Variants in GPC5 observed in about 807,000 individuals in gnomAD.
GPC5 encodes glypican 5.
Under a neutral mutation model 53.9 loss-of-function variants are expected in GPC5, and 47 were observed. The observed-to-expected ratio is 0.87, with a 90% confidence interval of 0.69 to 1.11. The LOEUF (loss-of-function observed/expected upper bound fraction) is 1.11, where lower values mean the gene tolerates loss of function less well. GPC5 is among the 50% of genes most tolerant of loss of function. The pLI is 0.00. For synonymous variants in GPC5, 286 were observed against 263.3 expected (o/e 1.09, Z -0.84); for missense variants, 748 against 713.1 (o/e 1.05, Z -0.56).
intron 7 of GPC5, among the ~76,000 whole-genome samples, chr13:92,297,904 CCTGAG>C (rs2043048780): frequency 6.6e-6 from 1 of 152,088 alleles, no homozygotes; most frequent in South Asian, 2.1e-4. Flanking sequence ...CAGCTTCACT[CCTGAG>C]CCCAGCGAGA....
chr13:92,379,685 T>G (rs140605562), intron 7 of GPC5, among the ~76,000 whole-genome samples: 1 of 151,374 alleles, frequency 6.6e-6, no homozygotes, highest in African/African-American at 2.4e-5. Context: ...TTCCTCTCTG[T>G]GCCCCCTGCA....
intron 2 of GPC5, among the ~76,000 whole-genome samples, chr13:91,455,652 A>G (rs543343802): frequency 6.6e-6 from 1 of 152,180 alleles, no homozygotes; most frequent in East Asian, 1.9e-4. Context: ...AAGTAATTGG[A>G]ATTTCTTTTT....
Position 91,952,205 on chromosome 13 carries a change from GTGTA to G in GPC5, c.1401+44154_1401+44157del, listed in dbSNP as rs71113777. On this transcript the variant is annotated intron_variant, in intron 6 of 7. Coordinates refer to ENST00000377067, the MANE Select transcript of GPC5 (RefSeq NM_004466.6). Reference sequence around the variant, plus strand: ...TCTCTCTCTCTGTGTGTGTGTGTGTGTGTATGTATTTGTGCATACTTGTGCTCCA... The same window carrying G: ...TCTCTCTCTCTGTGTGTGTGTGTGTGTGTATTTGTGCATACTTGTGCTCCA... Among the ~76,000 whole-genome samples the G allele has an allele frequency of 2.7e-3, 326 of 122,912 alleles. 1 individual carries two copies. The highest frequency in any genetic ancestry group is 4.6e-3 in the Non-Finnish European group (239 of 51,538). 80.6% of individuals were successfully genotyped at this position (122,912 alleles called of 152,430 possible). A position where few individuals can be genotyped will look rare whatever the true frequency, so the allele number is the denominator to read the frequency against.
At chr13:92,231,956 A>G (rs1269405758) in intron 7 of GPC5, among the ~76,000 whole-genome samples, 1 of 152,102 alleles carries the variant, frequency 6.6e-6, no homozygotes, top group African/African-American at 2.4e-5. Context: ...GAAGAGCGAA[A>G]CTCCATCTCA....
intron 6 of GPC5, among the ~76,000 whole-genome samples, chr13:92,141,007 C>T (rs2041826582): frequency 6.6e-6 from 1 of 152,066 alleles, no homozygotes; most frequent in South Asian, 2.1e-4. Flanking sequence ...TGAAACACTT[C>T]CATGTGGATG....
chr13:91,991,875 A>T (rs1455126898), intron 6 of GPC5, among the ~76,000 whole-genome samples: 1 of 152,158 alleles, frequency 6.6e-6, no homozygotes, highest in East Asian at 1.9e-4. Context: ...TTTTATAAAC[A>T]TTAGTGTGTG....
chr13:92,323,497 G>A (rs2043229828), intron 7 of GPC5, among the ~76,000 whole-genome samples: 1 of 151,402 alleles, frequency 6.6e-6, no homozygotes, highest in African/African-American at 2.4e-5. Context: ...GCATGCTTTA[G>A]GCATTTAATA....
chr13:92,768,112 T>C (rs1380985744), intron 7 of GPC5, among the ~76,000 whole-genome samples: 2 of 152,214 alleles, frequency 1.3e-5, no homozygotes, highest in African/African-American at 4.8e-5. Flanking sequence ...CAAATATAAA[T>C]AGTGAAATGC....
chr13:92,479,900 C>T (rs1879286426), intron 7 of GPC5, among the ~76,000 whole-genome samples: 1 of 152,144 alleles, frequency 6.6e-6, no homozygotes, highest in Non-Finnish European at 1.5e-5. Flanking sequence ...AAATGCGTTT[C>T]TCAATATAGG....
chr13:91,825,105 C>G (rs905747489), intron 5 of GPC5, among the ~76,000 whole-genome samples: 3 of 145,076 alleles, frequency 2.1e-5, no homozygotes, highest in South Asian at 2.2e-4. Context: ...ATTTGTTTTC[C>G]AGAGAGAGAG....
chr13:92,583,455 T>A (rs542667410), intron 7 of GPC5, among the ~76,000 whole-genome samples: 1 of 152,142 alleles, frequency 6.6e-6, no homozygotes, highest in East Asian at 1.9e-4. Flanking sequence ...TTGGAGAAGA[T>A]TGAATATAGA....
At chr13:91,746,957 T>C (rs2037063428) in intron 4 of GPC5, among the ~76,000 whole-genome samples, 1 of 152,062 alleles carries the variant, frequency 6.6e-6, no homozygotes, top group Non-Finnish European at 1.5e-5. Context: ...TATCTTTCTA[T>C]GTTGGTCTGT....
intron 7 of GPC5, among the ~76,000 whole-genome samples, chr13:92,762,150 A>G (rs1394184713): frequency 6.6e-6 from 1 of 152,276 alleles, no homozygotes; most frequent in African/African-American, 2.4e-5. Flanking sequence ...TACTGTTATG[A>G]TGCTCTATCA....
chr13:92,221,123 A>T (rs941625927), intron 7 of GPC5, among the ~76,000 whole-genome samples: 3 of 152,154 alleles, frequency 2.0e-5, no homozygotes. Context: ...GAAGTCCCTG[A>T]TGTCTGTCTC....
intron 6 of GPC5, among the ~76,000 whole-genome samples, chr13:92,093,565 T>G (rs2041397898): frequency 6.6e-6 from 1 of 152,232 alleles, no homozygotes; most frequent in South Asian, 2.1e-4. Context: ...CAACTCTAGA[T>G]CTTTGTATCA....
At chr13:92,225,727 C>T (rs188331966) in intron 7 of GPC5, among the ~76,000 whole-genome samples, 433 of 152,034 alleles carry the variant, frequency 2.8e-3, no homozygotes, top group Admixed American at 5.8e-3. Context: ...AGTTAGAGTT[C>T]TAAAGCCAAT....
intron 5 of GPC5, among the ~76,000 whole-genome samples, chr13:91,844,186 T>G (rs1269011076): frequency 6.6e-6 from 1 of 152,142 alleles, no homozygotes. Context: ...ATTTTAGAGA[T>G]TTTGTAAGAA....
At position 92,028,225 on chromosome 13, in the gene GPC5, C is replaced by T. The variant is rs966919048; in HGVS notation, c.1402-116605C>T. Among the ~76,000 whole-genome samples the T allele has an allele frequency of 5.3e-5, 8 of 152,088 alleles. No homozygotes were observed. The Middle Eastern group carries it at 0.014, about 260-fold the overall frequency. On this transcript the variant is annotated intron_variant, in intron 6 of 7. Transcript: ENST00000377067. The stretch of plus-strand genomic sequence containing the variant: ...GAGGGGGAATCTTGCAAGATAAAAA[C>T]GAACTTCTTATGACTCATTAAATCA...
At chr13:91,665,562 G>A (rs2035091501) in intron 2 of GPC5, among the ~76,000 whole-genome samples, 1 of 151,062 alleles carries the variant, frequency 6.6e-6, no homozygotes, top group East Asian at 1.9e-4. Context: ...GAGTCCAGTG[G>A]CGCCATCTCG....
Sources: allele counts gnomAD v4.1 joint callset (sites outside exome capture counted in the v4.1 genomes callset), GRCh38; gene constraint gnomAD v4.1.1; transcripts MANE v1.5; gene names NCBI Gene and HGNC (gene_info 2026-07-23, HGNC 2026-07-21).